The following ANO6 variants were observed in gnomAD, a reference collection of about 807,000 sequenced individuals.
The protein encoded by ANO6 is anoctamin 6.
In ANO6, 106 loss-of-function variants were observed where a neutral mutation model predicts 117.5. The observed-to-expected ratio is 0.90, with a 90% CI of 0.77 to 1.06. The LOEUF (loss-of-function observed/expected upper bound fraction) is 1.06, where lower values mean the gene tolerates loss of function less well. Ranked by LOEUF, ANO6 falls within the 50% of genes least tolerant of loss-of-function variation. The pLI is 0.00. For synonymous variants in ANO6, 367 were observed against 385.1 expected (o/e 0.95, Z 0.55); for missense variants, 955 against 1,121.1 (o/e 0.85, Z 2.12).
At chr12:45,227,898 A>G (rs1213975646) in intron 1 of ANO6, among the ~76,000 whole-genome samples, 1 of 152,208 alleles carries the variant, frequency 6.6e-6, no homozygotes, top group African/African-American at 2.4e-5. Flanking sequence ...CAAAGCGATA[A>G]TTATTGTGTG....
intron 1 of ANO6, among the ~76,000 whole-genome samples, chr12:45,254,566 AT>A (rs1202161403): frequency 1.3e-5 from 2 of 152,244 alleles, no homozygotes; most frequent in South Asian, 4.1e-4. Flanking sequence ...TCTTTGTCAC[AT>A]TTTAAGTTTG....
At chr12:45,219,371 CCT>C (rs1947362515) in intron 1 of ANO6, among the ~76,000 whole-genome samples, 1 of 152,094 alleles carries the variant, frequency 6.6e-6, no homozygotes, top group Non-Finnish European at 1.5e-5. Flanking sequence ...ACAGGGTCTC[CCT>C]CTGTCAGGCT....
chr12:45,341,153 A>G (rs974665851), intron 3 of ANO6, among the ~76,000 whole-genome samples: 1 of 152,248 alleles, frequency 6.6e-6, no homozygotes, highest in Non-Finnish European at 1.5e-5. Flanking sequence ...AGGTCTACCA[A>G]TTATCCTGAG....
chr12:45,308,131 A>T (rs1475583989), intron 2 of ANO6, among the ~76,000 whole-genome samples: 1 of 131,752 alleles, frequency 7.6e-6, no homozygotes, highest in Non-Finnish European at 1.5e-5. Context: ...CCGTGAAGAG[A>T]GTTTTAAGAT....
intron 7 of ANO6, among the ~76,000 whole-genome samples, chr12:45,352,026 T>G (rs1046130430): frequency 6.6e-6 from 1 of 152,142 alleles, no homozygotes; most frequent in East Asian, 2.0e-4. Flanking sequence ...GTTTATGGAT[T>G]GGATGTGGAG....
intron 1 of ANO6, among the ~76,000 whole-genome samples, chr12:45,235,561 G>C (rs1217726925): frequency 5.3e-5 from 8 of 152,172 alleles, no homozygotes; most frequent in Non-Finnish European, 1.0e-4. Flanking sequence ...ACCTAGTTGA[G>C]TGGCATGACA....
At chr12:45,331,710 T>C (rs1940672079) in intron 3 of ANO6, among the ~76,000 whole-genome samples, 1 of 152,126 alleles carries the variant, frequency 6.6e-6, no homozygotes, top group African/African-American at 2.4e-5. Flanking sequence ...ACCTTAAGCA[T>C]GCCTGGCTAT....
intron 9 of ANO6, among the ~76,000 whole-genome samples, chr12:45,376,700 T>G (rs1397091062): frequency 2.2e-5 from 2 of 92,120 alleles, no homozygotes; most frequent in Non-Finnish European, 4.2e-5. Flanking sequence ...TGGGGACTGT[T>G]GTGGGATGGG....
At chr12:45,348,005 G>A (rs779735603) in intron 4 of ANO6, 23 bp from the exon 5 acceptor site, 3 of 1,609,446 alleles carry the variant, frequency 1.9e-6, no homozygotes, top group South Asian at 2.2e-5. Flanking sequence ...TTCTTGTTCT[G>A]CGTTTTTATT....
intron 17 of ANO6, 32 bp downstream of exon 17, chr12:45,416,936 C>A: frequency 8.8e-6 from 14 of 1,597,470 alleles, no homozygotes; most frequent in Non-Finnish European, 1.2e-5. Context: ...AGAGTAAAGA[C>A]CTTGAAGATG....
chr12:45,326,134 C>A (rs1056793954), intron 2 of ANO6, among the ~76,000 whole-genome samples: 5 of 152,122 alleles, frequency 3.3e-5, no homozygotes, highest in Non-Finnish European at 7.4e-5. Context: ...ATGTGGTATT[C>A]TAATGATAGA....
At chr12:45,305,818 A>G (rs574263676) in intron 2 of ANO6, among the ~76,000 whole-genome samples, 1 of 152,240 alleles carries the variant, frequency 6.6e-6, no homozygotes, top group Non-Finnish European at 1.5e-5. Flanking sequence ...AGTTTGCCCA[A>G]TCCCAGGTCT....
intron 1 of ANO6, among the ~76,000 whole-genome samples, chr12:45,242,091 T>C (rs1325060543): frequency 6.6e-6 from 1 of 152,212 alleles, no homozygotes; most frequent in East Asian, 1.9e-4. Context: ...GGAGAACCAC[T>C]ACTCTCTCCG....
At chr12:45,359,714 C>T (rs1941504762) in intron 8 of ANO6, among the ~76,000 whole-genome samples, 1 of 152,160 alleles carries the variant, frequency 6.6e-6, no homozygotes, top group Non-Finnish European at 1.5e-5. Flanking sequence ...GTTGTTTCTA[C>T]TCTTTGGTTA....
At chr12:45,234,167 T>A (rs910861008) in intron 1 of ANO6, among the ~76,000 whole-genome samples, 1 of 152,230 alleles carries the variant, frequency 6.6e-6, no homozygotes, top group Non-Finnish European at 1.5e-5. Flanking sequence ...GTTCTTAAGT[T>A]GGAAGAGAAT....
chr12:45,296,601 T>G (rs556472874), intron 1 of ANO6, among the ~76,000 whole-genome samples: 17 of 152,360 alleles, frequency 1.1e-4, no homozygotes, highest in African/African-American at 3.6e-4. Flanking sequence ...TGCTGATTTT[T>G]AAAATTTATA....
Position 45,429,610 on chromosome 12 carries a change from T to C in ANO6, c.*299T>C, listed in dbSNP as rs1943587564. ...TGCTTAAAAACCACCCCTTCTAAAGTAGAATGGATTCTTTTTTTTCTGTTT... is the reference window on the plus strand; with the variant it reads ...TGCTTAAAAACCACCCCTTCTAAAGCAGAATGGATTCTTTTTTTTCTGTTT... On this transcript the variant is annotated 3_prime_UTR_variant, in exon 20 of 20. Transcript: ENST00000320560. 7.5e-6 allele frequency: 9 copies of C among 1,192,284 alleles called. No individual in the cohort carries two copies. The South Asian group carries it at 1.7e-4, about 22-fold the overall frequency. 73.9% of individuals were successfully genotyped at this position (1,192,284 alleles called of 1,614,324 possible).
At position 45,421,061 on chromosome 12, in the gene ANO6, C is replaced by T; in HGVS notation, c.2218-10C>T. 2 of 1,613,800 alleles carry T rather than the reference C, an allele frequency of 1.2e-6. No individual in the cohort carries two copies. Among genetic ancestry groups the T allele is most frequent in the Non-Finnish European group, 1.7e-6 (2 of 1,179,854 alleles). On this transcript the variant is annotated splice_polypyrimidine_tract_variant and intron_variant, in intron 17 of 19. Coordinates refer to ENST00000320560, the MANE Select transcript of ANO6 (RefSeq NM_001025356.3). ...AACTTCATTTTCGCTTTGTTTTTCT[C>T]CCAAAATAGGCCATGATCATAGCTT... is the stretch of plus-strand genomic sequence containing the variant.
chr12:45,317,113 G>GTGTGTGTGTA lies in ANO6; in HGVS notation c.151-14181_151-14180insGTGTGTGTAT. 1.6e-3 allele frequency among the ~76,000 whole-genome samples: 103 copies of GTGTGTGTGTA among 66,446 alleles called. 15 individuals are homozygous for GTGTGTGTGTA. The highest frequency in any genetic ancestry group is 3.0e-3 in the African/African-American group (72 of 24,306). 43.6% of individuals were successfully genotyped at this position (66,446 alleles called of 152,430 possible). A position where few individuals can be genotyped will look rare whatever the true frequency, so the allele number is the denominator to read the frequency against. On this transcript the variant is annotated intron_variant, in intron 2 of 19. Coordinates refer to ENST00000320560, the MANE Select transcript of ANO6 (RefSeq NM_001025356.3). ...AAAGACAGCTGGATTCTTTTTATAT[G>GTGTGTGTGTA]TATATATATATATATATATTTATTA... is the stretch of plus-strand genomic sequence containing the variant.
Sources: allele counts gnomAD v4.1 joint callset (sites outside exome capture counted in the v4.1 genomes callset), GRCh38; gene constraint gnomAD v4.1.1; transcripts MANE v1.5; gene names NCBI Gene and HGNC (gene_info 2026-07-23, HGNC 2026-07-21).